The following NELL2 variants were observed in gnomAD, a reference collection of about 807,000 sequenced individuals.
The protein encoded by NELL2 is protein kinase C-binding protein NELL2.
Under a neutral mutation model 109.6 loss-of-function variants are expected in NELL2, and 41 were observed. The observed-to-expected ratio is 0.37, with a 90% CI of 0.29 to 0.49. The LOEUF is 0.49. Among genes scored for constraint, NELL2 ranks in the 20% least tolerant of loss-of-function variants. NELL2 has a pLI of 0.98. For missense variants in NELL2, 900 were observed against 1,008.3 expected, an observed-to-expected ratio of 0.89 and a Z score of 1.45; for synonymous variants, 355 against 344.7, an observed-to-expected ratio of 1.03 and a Z score of -0.33.
intron 2 of NELL2, among the ~76,000 whole-genome samples, chr12:44,864,845 T>C (rs1244522138): frequency 6.6e-6 from 1 of 152,168 alleles, no homozygotes; most frequent in Non-Finnish European, 1.5e-5. Context: ...ACAATGTGTC[T>C]TTATAGCAGC....
At chr12:44,615,330 T>A (rs899350930) in intron 13 of NELL2, among the ~76,000 whole-genome samples, 2 of 152,136 alleles carry the variant, frequency 1.3e-5, no homozygotes, top group Non-Finnish European at 1.5e-5. Flanking sequence ...GAGGCCCTTA[T>A]AATTTGAATC....
intron 2 of NELL2, among the ~76,000 whole-genome samples, chr12:44,823,509 C>G (rs142172276): frequency 3.3e-5 from 5 of 152,292 alleles, no homozygotes; most frequent in African/African-American, 9.6e-5. Context: ...CTGTGCCTGC[C>G]TTATTTCACT....
intron 2 of NELL2, among the ~76,000 whole-genome samples, chr12:44,821,031 T>C (rs1943524518): frequency 7.8e-6 from 1 of 127,812 alleles, no homozygotes; most frequent in Non-Finnish European, 1.6e-5. Context: ...GGGCAGCATA[T>C]ATAAGCTTTA....
chr12:44,791,101 ATATATATGTATATATATATG>A lies in NELL2; in HGVS notation c.336-11099_336-11080del, dbSNP rs1566404016. Among the ~76,000 whole-genome samples, 25 of 24,962 alleles carry A rather than the reference ATATATATGTATATATATATG, an allele frequency of 1.0e-3. 2 individuals carry two copies. Among genetic ancestry groups the A allele is most frequent in the African/African-American group, 4.1e-3 (23 of 5,616 alleles). 16.4% of individuals were successfully genotyped at this position (24,962 alleles called of 152,430 possible). ...TATATACATATATATATATATGTAT[ATATATATGTATATATATATG>A]TATATATATATATACACACGCACAC... On this transcript the variant is annotated intron_variant, in intron 3 of 19. Coordinates refer to ENST00000429094, the MANE Select transcript of NELL2 (RefSeq NM_001145108.2).
upstream of NELL2, among the ~76,000 whole-genome samples, chr12:44,879,359 C>T (rs1220978062): frequency 2.0e-5 from 3 of 152,084 alleles, no homozygotes; most frequent in South Asian, 2.1e-4. Flanking sequence ...ACAGCATCCA[C>T]GGAAAACTAA....
chr12:44,637,893 C>T (rs1284770258), intron 13 of NELL2, among the ~76,000 whole-genome samples: 2 of 151,972 alleles, frequency 1.3e-5, no homozygotes, highest in Non-Finnish European at 2.9e-5. Flanking sequence ...TCTTGTCCAG[C>T]TGATTTTCAA....
intron 9 of NELL2, among the ~76,000 whole-genome samples, chr12:44,720,094 T>C (rs993061624): frequency 6.6e-6 from 1 of 152,174 alleles, no homozygotes; most frequent in African/African-American, 2.4e-5. Flanking sequence ...AATAAAAGTA[T>C]TGAGCACTAA....
At chr12:44,901,105 C>T (rs769271182) in intron 1 of NELL2, among the ~76,000 whole-genome samples, 2 of 152,084 alleles carry the variant, frequency 1.3e-5, no homozygotes, top group Non-Finnish European at 2.9e-5. Flanking sequence ...ATCAATGAAT[C>T]CAGTAGCTGG....
upstream of NELL2, chr12:44,876,366 G>T (rs1470956311): frequency 8.3e-5 from 101 of 1,222,764 alleles, 1 homozygote; most frequent in Non-Finnish European, 9.5e-5. Flanking sequence ...GGGGAGGGAG[G>T]GGCGGGCCGG....
chr12:44,825,770 G>A (rs1483522722), intron 2 of NELL2, among the ~76,000 whole-genome samples: 4 of 150,168 alleles, frequency 2.7e-5, no homozygotes, highest in Non-Finnish European at 5.9e-5. Context: ...GTTAGGCCGG[G>A]CCCGGTGACT....
intron 12 of NELL2, among the ~76,000 whole-genome samples, chr12:44,697,033 G>C (rs1001247731): frequency 2.0e-5 from 3 of 152,076 alleles, no homozygotes; most frequent in Non-Finnish European, 4.4e-5. Flanking sequence ...TAAATGAAAT[G>C]GCATATAACG....
intron 3 of NELL2, among the ~76,000 whole-genome samples, chr12:44,783,276 A>G (rs940563055): frequency 1.3e-4 from 20 of 151,788 alleles, no homozygotes; most frequent in East Asian, 9.6e-4. Context: ...TGCATATATT[A>G]GAAAAGAAGA....
chr12:44,855,480 A>G (rs1194100754), intron 2 of NELL2, among the ~76,000 whole-genome samples: 1 of 152,168 alleles, frequency 6.6e-6, no homozygotes, highest in Non-Finnish European at 1.5e-5. Context: ...CTGCCACTGT[A>G]TTTTATTGTA....
At chr12:44,909,211 T>G (rs1163431024) in intron 1 of NELL2, among the ~76,000 whole-genome samples, 15 of 151,950 alleles carry the variant, frequency 9.9e-5, no homozygotes, top group Admixed American at 9.2e-4. Context: ...CTACTGAAAC[T>G]GATAAATAAC....
At chr12:44,845,342 A>G (rs1944339786) in intron 2 of NELL2, among the ~76,000 whole-genome samples, 1 of 152,246 alleles carries the variant, frequency 6.6e-6, no homozygotes, top group South Asian at 2.1e-4. Context: ...GGAAGGGGAC[A>G]GGAGTGGTGA....
chr12:44,918,517 ATGTGTGTGTGTGTG>A (rs10589306), upstream of NELL2, among the ~76,000 whole-genome samples: 875 of 123,962 alleles, frequency 7.1e-3, 6 homozygotes, highest in African/African-American at 0.024. Flanking sequence ...GCATGCATGT[ATGTGTGTGTGTGTG>A]TGTGTGTGTG....
chr12:44,517,666 C>A (rs183167377), intron 19 of NELL2, among the ~76,000 whole-genome samples: 10 of 151,964 alleles, frequency 6.6e-5, no homozygotes, highest in African/African-American at 2.2e-4. Flanking sequence ...TTAAAATTTT[C>A]ATATTATTTA....
intron 2 of NELL2, among the ~76,000 whole-genome samples, chr12:44,837,649 T>A (rs1423713628): frequency 3.9e-5 from 6 of 152,180 alleles, no homozygotes; most frequent in African/African-American, 1.4e-4. Flanking sequence ...TCTCAATAGC[T>A]ACCTTTGAAA....
chr12:44,809,860 T>A (rs1456931675), intron 3 of NELL2, among the ~76,000 whole-genome samples: 1 of 152,020 alleles, frequency 6.6e-6, no homozygotes. Context: ...CATTAATCCA[T>A]ATGTCCAAAC....
Sources: allele counts gnomAD v4.1 joint callset (sites outside exome capture counted in the v4.1 genomes callset), GRCh38; gene constraint gnomAD v4.1.1; transcripts MANE v1.5; gene names NCBI Gene and HGNC (gene_info 2026-07-23, HGNC 2026-07-21).